PCSK6: variants seen among roughly 807,000 people sequenced by gnomAD.
The protein encoded by PCSK6 is paired basic amino acid cleaving enzyme 4.
PCSK6 carries 85 observed loss-of-function variants against 123.3 expected under a neutral mutation model. The observed-to-expected ratio is 0.69, with a 90% CI of 0.58 to 0.83. The LOEUF is 0.83. PCSK6 is among the 40% of genes least tolerant of loss of function. The pLI is 0.00. For missense variants in PCSK6, 1,191 were observed against 1,282.3 expected (o/e 0.93, Z 1.09); for synonymous variants, 508 against 516.0 (o/e 0.98, Z 0.21).
rs1229432023 is a variant in PCSK6, at chr15:101,331,946, C to T, written c.1944G>A (p.Arg648=). 1 of 1,613,802 alleles carries T rather than the reference C, an allele frequency of 6.2e-7. No homozygotes were observed. The highest frequency in any genetic ancestry group is 1.7e-5 in the Admixed American group (1 of 59,984). The change falls in exon 14 of 22, where the codon CGG becomes CGA. Residue 648 remains arginine, a synonymous_variant. Transcript: ENST00000611716. ...GCTCTGGGGCTGAGAGCTCCAGCAT[C>T]CGCGAGCGGGACTGATGGGCACTGA... ...HTFSAHQSRS[R]MLELSAPELE...
Position 101,318,376 on chromosome 15 carries a change from A to G in PCSK6, c.2512T>C (p.Phe838Leu), listed in dbSNP as rs2040041273. Residue 838 changes from phenylalanine to leucine, a missense_variant, in exon 19 of 22, where the codon TTT (phenylalanine) becomes CTT (leucine). Physicochemically the swap from Phe to Leu is conservative, Grantham distance 22. Around this residue, in one of 3 missense-constraint regions of PCSK6, gnomAD observed 630 missense variants for 631.4 expected, o/e 1.00. Coordinates refer to ENST00000611716, the MANE Select transcript of PCSK6 (RefSeq NM_002570.5). ...CCACATCTGATCAGCTCTGAGTCAA[A>G]GTAGGTGCCTGGCTCACAGTCAGGA... The part of the protein sequence containing the change: ...CIPDCEPGTY[F>L]DSELIRCGEC... 6.4e-7 allele frequency: 1 copy of G among 1,565,896 alleles called. No homozygotes were observed.
chr15:101,481,084 G>A (rs2057867560), intron 1 of PCSK6, among the ~76,000 whole-genome samples: 1 of 152,216 alleles, frequency 6.6e-6, no homozygotes, highest in Non-Finnish European at 1.5e-5. Flanking sequence ...GGCCACCACA[G>A]AGGTGGCAGA....
At position 101,488,831 on chromosome 15, in the gene PCSK6, A is replaced by G. The variant is rs532870473; in HGVS notation, c.297+543T>C. ...CCCCGGGAGCCGCGGACACCGAGGG[A>G]GCGCGAGTCCCCGAGACGCCGGGCC... is the stretch of plus-strand genomic sequence containing the variant. On this transcript the variant is annotated intron_variant, in intron 1 of 21. Coordinates refer to ENST00000611716, the MANE Select transcript of PCSK6 (RefSeq NM_002570.5). Among the ~76,000 whole-genome samples the G allele has an allele frequency of 3.9e-4, 59 of 150,998 alleles. No individual in the cohort carries two copies. The South Asian group carries it at 0.012, about 30-fold the overall frequency.
At chr15:101,379,188 G>A (rs2041840767) in intron 11 of PCSK6, among the ~76,000 whole-genome samples, 1 of 152,248 alleles carries the variant, frequency 6.6e-6, no homozygotes, top group Non-Finnish European at 1.5e-5. Flanking sequence ...GACTCTTCCT[G>A]TCAGTCACCG....
chr15:101,436,161 C>G (rs951329966), intron 2 of PCSK6, among the ~76,000 whole-genome samples: 1 of 152,184 alleles, frequency 6.6e-6, no homozygotes. Flanking sequence ...TTCAGAGGGG[C>G]CCTGCTGTGG....
rs35985370 is a variant in PCSK6 at position 101,363,634 on chromosome 15, C to CT, written c.1858+2561dup. On this transcript the variant is annotated intron_variant, in intron 13 of 21. Coordinates refer to ENST00000611716, the MANE Select transcript of PCSK6 (RefSeq NM_002570.5). The stretch of plus-strand genomic sequence containing the variant: ...TGTACTTTTAGGATTTGTTATAACA[C>CT]TTTTTTTTTTTTTGAGACGGAGTCT... Among the ~76,000 whole-genome samples, 414 of 140,008 alleles carry CT rather than the reference C, an allele frequency of 3.0e-3. 2 individuals are homozygous for CT. Among genetic ancestry groups the CT allele is most frequent in the African/African-American group, 6.2e-3 (220 of 35,608 alleles). The allele number at this position is 140,008 out of a possible 152,430, so 91.9% of individuals were successfully genotyped here. A position where few individuals can be genotyped will look rare whatever the true frequency, so the allele number is the denominator to read the frequency against.
chr15:101,332,422 G>A lies in PCSK6; in HGVS notation c.1859-391C>T, dbSNP rs151219633. 4.9e-3 allele frequency among the ~76,000 whole-genome samples: 751 copies of A among 152,298 alleles called. 2 individuals carry two copies. Among genetic ancestry groups the A allele is most frequent in the Middle Eastern group, 0.02 (6 of 294 alleles). On this transcript the variant is annotated intron_variant, in intron 13 of 21. Coordinates refer to ENST00000611716, the MANE Select transcript of PCSK6 (RefSeq NM_002570.5). ...GCCACCTTCCCGTCTTGGGATATCC[G>A]GTGGGTAAATCTGGTGCCAGGCCTG...
intron 15 of PCSK6, among the ~76,000 whole-genome samples, chr15:101,330,079 C>G (rs2040342046): frequency 6.6e-6 from 1 of 152,224 alleles, no homozygotes; most frequent in Non-Finnish European, 1.5e-5. Context: ...CTTTGGCCAC[C>G]AGACGGCTCT....
At chr15:101,309,663 C>T (rs1383950225) in intron 20 of PCSK6, among the ~76,000 whole-genome samples, 1 of 152,248 alleles carries the variant, frequency 6.6e-6, no homozygotes, top group African/African-American at 2.4e-5. Context: ...CCCCTTCAAG[C>T]TGTGCCCCTG....
chr15:101,360,428 C>T (rs541506285), intron 13 of PCSK6, among the ~76,000 whole-genome samples: 3 of 152,280 alleles, frequency 2.0e-5, no homozygotes, highest in East Asian at 1.9e-4. Context: ...CTCCTCTTCC[C>T]ACTGCCCCCT....
At chr15:101,423,255 C>A (rs138140267) in intron 6 of PCSK6, among the ~76,000 whole-genome samples, 40 of 143,772 alleles carry the variant, frequency 2.8e-4, no homozygotes, top group Non-Finnish European at 5.0e-4. Flanking sequence ...AAGTAAATAT[C>A]TGAATTTTTT....
intron 1 of PCSK6, among the ~76,000 whole-genome samples, chr15:101,460,874 A>G (rs1166919947): frequency 6.6e-6 from 1 of 152,120 alleles, no homozygotes; most frequent in Non-Finnish European, 1.5e-5. Flanking sequence ...ATTTAGGACA[A>G]CTCATGGGAA....
In PCSK6 at chr15:101,435,310, CA is replaced by C. The variant is rs752733001; in HGVS notation, c.403-3211del. ...TGGGTGACAGAGTGAGACTCTGTCT[CA>C]AAAAAAAAAAGAAAGAAAGAAAGAA... On this transcript the variant is annotated intron_variant, in intron 2 of 21. Coordinates refer to ENST00000611716, the MANE Select transcript of PCSK6 (RefSeq NM_002570.5). Among the ~76,000 whole-genome samples, 27 of 129,036 alleles carry C rather than the reference CA, an allele frequency of 2.1e-4. 1 individual carries two copies. Among genetic ancestry groups the C allele is most frequent in the South Asian group, 5.1e-4 (2 of 3,942 alleles). The allele number at this position is 129,036 out of a possible 152,430, so 84.7% of individuals were successfully genotyped here.
intron 1 of PCSK6, among the ~76,000 whole-genome samples, chr15:101,448,249 A>G (rs1266034686): frequency 6.6e-6 from 1 of 152,266 alleles, no homozygotes; most frequent in Non-Finnish European, 1.5e-5. Flanking sequence ...GATCAAACTG[A>G]TAACATCATT....
chr15:101,392,100 C>G (rs1290005001), intron 8 of PCSK6, among the ~76,000 whole-genome samples: 1 of 152,192 alleles, frequency 6.6e-6, no homozygotes, highest in Non-Finnish European at 1.5e-5. Context: ...TTAGCAAATT[C>G]GAACCTGCAT....
intron 2 of PCSK6, among the ~76,000 whole-genome samples, chr15:101,442,017 T>G (rs2056767555): frequency 6.6e-6 from 1 of 152,144 alleles, no homozygotes; most frequent in Non-Finnish European, 1.5e-5. Context: ...TGCTGCTCAG[T>G]TTTCTACTGA....
intron 13 of PCSK6, among the ~76,000 whole-genome samples, chr15:101,361,798 A>AG (rs978934158): frequency 1.3e-5 from 2 of 152,174 alleles, no homozygotes; most frequent in African/African-American, 2.4e-5. Context: ...GGGTTGAGGC[A>AG]GGGGGGCCAG....
At chr15:101,323,054 C>T (rs948627478) in intron 17 of PCSK6, among the ~76,000 whole-genome samples, 6 of 152,218 alleles carry the variant, frequency 3.9e-5, no homozygotes, top group Non-Finnish European at 8.8e-5. Context: ...CAGGAACCTA[C>T]GGCGAGTCAT....
At chr15:101,321,161 C>G (rs2141352060) in intron 18 of PCSK6, among the ~76,000 whole-genome samples, 1 of 152,362 alleles carries the variant, frequency 6.6e-6, no homozygotes, top group East Asian at 1.9e-4. Context: ...GACATCAAAG[C>G]TGGCCTCTCC....
Sources: allele counts gnomAD v4.1 joint callset (sites outside exome capture counted in the v4.1 genomes callset), GRCh38; gene constraint gnomAD v4.1.1; regional missense constraint gnomAD v4.1.1; transcripts MANE v1.5; gene names NCBI Gene and HGNC (gene_info 2026-07-23, HGNC 2026-07-21).